The following CCDC102B variants were observed in gnomAD, a reference collection of about 807,000 sequenced individuals.
The protein encoded by CCDC102B is coiled-coil domain-containing protein 102B.
A neutral mutation model predicts 57.4 loss-of-function variants in CCDC102B; 75 were observed. That is an observed-to-expected ratio of 1.31 (90% CI 1.08 to 1.58). CCDC102B has a LOEUF of 1.58. CCDC102B is among the 40% of genes most tolerant of loss of function. The pLI is 0.00. For missense variants in CCDC102B, 636 were observed against 582.6 expected (o/e 1.09, Z -0.94); for synonymous variants, 206 against 201.9 (o/e 1.02, Z -0.17).
chr18:69,052,392 A>T (rs2052729202), intron 7 of CCDC102B, among the ~76,000 whole-genome samples: 1 of 151,904 alleles, frequency 6.6e-6, no homozygotes, highest in African/African-American at 2.4e-5. Context: ...TACCTTGAGA[A>T]ATTTAGTATC....
chr18:68,879,649 G>A (rs1459361740), intron 5 of CCDC102B, among the ~76,000 whole-genome samples: 3 of 151,994 alleles, frequency 2.0e-5, no homozygotes, highest in East Asian at 1.9e-4. Context: ...GACACAGGGC[G>A]CTGATTGGTG....
chr18:69,051,335 A>G (rs987317488), intron 7 of CCDC102B, among the ~76,000 whole-genome samples: 46 of 152,222 alleles, frequency 3.0e-4, no homozygotes, highest in African/African-American at 8.4e-4. Flanking sequence ...CTAAGAAGAA[A>G]TTGCAAAGCT....
At chr18:68,864,059 T>A (rs1356440645) in intron 4 of CCDC102B, among the ~76,000 whole-genome samples, 1 of 152,020 alleles carries the variant, frequency 6.6e-6, no homozygotes, top group African/African-American at 2.4e-5. Flanking sequence ...GGTCATTATT[T>A]CTAGGCCATT....
intron 7 of CCDC102B, among the ~76,000 whole-genome samples, chr18:69,040,281 A>G (rs2052397896): frequency 1.3e-5 from 2 of 151,896 alleles, no homozygotes; most frequent in Admixed American, 6.6e-5. Flanking sequence ...ATGAAAGCTC[A>G]TGAGTGAAAG....
chr18:68,786,401 T>G (rs1364793723), intron 2 of CCDC102B, among the ~76,000 whole-genome samples: 2 of 127,776 alleles, frequency 1.6e-5, no homozygotes, highest in African/African-American at 6.2e-5. Context: ...GCATTGAATC[T>G]GTAAATTACC....
chr18:68,995,867 C>T (rs1387290589), intron 6 of CCDC102B, among the ~76,000 whole-genome samples: 1 of 152,158 alleles, frequency 6.6e-6, no homozygotes, highest in African/African-American at 2.4e-5. Flanking sequence ...GGAAAAGTCA[C>T]AGGCACTCAA....
chr18:68,950,669 C>G (rs1265735132), intron 6 of CCDC102B, among the ~76,000 whole-genome samples: 1 of 152,116 alleles, frequency 6.6e-6, no homozygotes, highest in African/African-American at 2.4e-5. Flanking sequence ...ATCATTTTGG[C>G]ATATACACAT....
intron 6 of CCDC102B, among the ~76,000 whole-genome samples, chr18:68,941,622 AGTTTT>A (rs1440631587): frequency 6.6e-6 from 1 of 152,150 alleles, no homozygotes; most frequent in African/African-American, 2.4e-5. Flanking sequence ...GTTTTAAGTT[AGTTTT>A]AATTCAAATA....
At chr18:69,023,833 C>T (rs2145426699) in intron 7 of CCDC102B, among the ~76,000 whole-genome samples, 1 of 151,950 alleles carries the variant, frequency 6.6e-6, no homozygotes, top group South Asian at 2.1e-4. Context: ...AAAGTTAAAG[C>T]ATTTTATTTA....
At chr18:68,808,580 C>T (rs1206269529) in intron 1 of CCDC102B, among the ~76,000 whole-genome samples, 1 of 151,144 alleles carries the variant, frequency 6.6e-6, no homozygotes, top group African/African-American at 2.4e-5. Flanking sequence ...TGGGTTCACG[C>T]CATTCTCCTG....
intron 6 of CCDC102B, among the ~76,000 whole-genome samples, chr18:68,961,386 A>G (rs538930965): frequency 4.0e-4 from 61 of 152,152 alleles, no homozygotes; most frequent in Non-Finnish European, 6.8e-4. Flanking sequence ...TTTCAATCAA[A>G]ACTAGATATA....
At chr18:68,769,798 AG>A (rs1453888521) in intron 2 of CCDC102B, among the ~76,000 whole-genome samples, 3 of 152,210 alleles carry the variant, frequency 2.0e-5, no homozygotes, top group African/African-American at 7.2e-5. Flanking sequence ...GAGGCTGTAG[AG>A]ATAGAATGGG....
At chr18:68,971,174 A>AT (rs967369068) in intron 6 of CCDC102B, among the ~76,000 whole-genome samples, 7 of 151,850 alleles carry the variant, frequency 4.6e-5, no homozygotes, top group Non-Finnish European at 1.0e-4. Context: ...GACTAGCTCT[A>AT]TTTTTTTCAT....
In CCDC102B at chr18:68,846,318, G is replaced by A. The variant is rs186200166; in HGVS notation, c.833G>A (p.Arg278His). ...QKILWKEREMRTALEKEIERL... is the reference protein window; with the variant it reads ...QKILWKEREMHTALEKEIERL... Reference sequence around the variant, plus strand: ...TTAATTCTTAAATTATTTAGAATGCGCACAGCTTTGGAAAAAGAAATAGAG... The same window carrying A: ...TTAATTCTTAAATTATTTAGAATGCACACAGCTTTGGAAAAAGAAATAGAG... The change falls in exon 4 of 8, where the codon CGC becomes CAC. Residue 278 changes from arginine (R) to histidine (H), a missense_variant. Coordinates refer to ENST00000360242, the MANE Select transcript of CCDC102B (RefSeq NM_024781.3). 24 of 1,525,652 alleles carry A rather than the reference G, an allele frequency of 1.6e-5. No homozygotes were observed. The highest frequency in any genetic ancestry group is 2.9e-5 in the African/African-American group (2 of 70,154). 94.5% of individuals were successfully genotyped at this position (1,525,652 alleles called of 1,614,324 possible). A position where few individuals can be genotyped will look rare whatever the true frequency, so the allele number is the denominator to read the frequency against.
chr18:68,856,317 G>A (rs1052556794), intron 4 of CCDC102B, among the ~76,000 whole-genome samples: 2 of 151,858 alleles, frequency 1.3e-5, no homozygotes, highest in Non-Finnish European at 2.9e-5. Flanking sequence ...AAGACACACG[G>A]TGTTGCTCTG....
rs562903183 is a variant in CCDC102B, at chr18:68,838,754, C to A, written c.655C>A (p.Pro219Thr). The A allele has an allele frequency of 5.0e-6, 8 of 1,613,900 alleles. No homozygotes were observed. The East Asian group carries it at 1.8e-4, about 36-fold the overall frequency. Residue 219 changes from proline (P) to threonine (T), a missense_variant, in exon 3 of 8, where the codon CCC (proline) becomes ACC (threonine). Pro to Thr is a conservative substitution (Grantham distance 38). Coordinates refer to ENST00000360242, the MANE Select transcript of CCDC102B (RefSeq NM_024781.3). ...DSLKLSEEMK[P>T]NLDGVDLFNN... ...TCTAAAATTAAGTGAGGAGATGAAG[C>A]CCAATCTAGATGGTGTTGATTTATT...
chr18:68,823,038 C>G (rs546249975), intron 1 of CCDC102B, among the ~76,000 whole-genome samples: 3 of 152,266 alleles, frequency 2.0e-5, no homozygotes, highest in African/African-American at 7.2e-5. Context: ...GGTCTGGGGC[C>G]AAGCCTTCAT....
At chr18:68,772,266 G>A (rs977748111) in intron 2 of CCDC102B, among the ~76,000 whole-genome samples, 1 of 151,984 alleles carries the variant, frequency 6.6e-6, no homozygotes, top group Non-Finnish European at 1.5e-5. Context: ...TTTTTGTACT[G>A]AAATCTTTTT....
At chr18:68,732,833 G>A (rs1290997452) in intron 2 of CCDC102B, among the ~76,000 whole-genome samples, 1 of 152,094 alleles carries the variant, frequency 6.6e-6, no homozygotes, top group African/African-American at 2.4e-5. Context: ...TCCTTGCTAT[G>A]CCAGTTACAA....
Sources: gnomAD v4.1 joint callset for allele counts (sites outside exome capture counted in the v4.1 genomes callset) on GRCh38, gnomAD v4.1.1 for gene constraint, MANE v1.5 for transcripts, NCBI Gene and HGNC (gene_info 2026-07-23, HGNC 2026-07-21) for gene names.